The following KPNB1 variants were observed in gnomAD, a reference collection of about 807,000 sequenced individuals.
KPNB1 encodes importin subunit beta-1.
A neutral mutation model predicts 113.0 loss-of-function variants in KPNB1; 7 were observed. The ratio of observed to expected loss-of-function variants is 0.06; its 90% confidence interval spans 0.04 to 0.12. The LOEUF (loss-of-function observed/expected upper bound fraction) is 0.12, where lower values mean the gene tolerates loss of function less well. KPNB1 is among the 10% of genes least tolerant of loss of function. The pLI is 1.00. For synonymous variants in KPNB1, 363 were observed against 378.6 expected (o/e 0.96, Z 0.48); for missense variants, 400 against 1,054.8 (o/e 0.38, Z 8.60).
chr17:47,665,191 T>TATATAA, intron 9 of KPNB1, 33 bp downstream of exon 9: 1 of 1,512,840 alleles, frequency 6.6e-7, no homozygotes, highest in East Asian at 2.2e-5. Flanking sequence ...GTAGGTAAGC[T>TATATAA]GTGGAACCTT....
chr17:47,677,572 T>A (rs1427911485), intron 17 of KPNB1, among the ~76,000 whole-genome samples: 2 of 151,896 alleles, frequency 1.3e-5, no homozygotes, highest in African/African-American at 4.8e-5. Flanking sequence ...ATTTCACAGA[T>A]GACTCTGAAG....
chr17:47,675,954 T>G (rs2030603880), intron 15 of KPNB1, among the ~76,000 whole-genome samples: 1 of 152,184 alleles, frequency 6.6e-6, no homozygotes. Context: ...CTGATTTGGA[T>G]CTGAAGCCCA....
intron 13 of KPNB1, 146 bp downstream of exon 13, chr17:47,673,311 C>T (rs2030503986): frequency 1.1e-6 from 1 of 944,642 alleles, no homozygotes; most frequent in Non-Finnish European, 1.6e-6. Flanking sequence ...AAAAACATTG[C>T]ACCTTAACGT....
intron 2 of KPNB1, among the ~76,000 whole-genome samples, chr17:47,652,067 C>A (rs988081844): frequency 6.6e-6 from 1 of 151,912 alleles, no homozygotes; most frequent in Admixed American, 6.6e-5. Flanking sequence ...TTTCATTGTT[C>A]CCTTTTTGCT....
Position 47,673,249 on chromosome 17 carries a change from C to T in KPNB1, c.1695+84C>T. On this transcript the variant is annotated intron_variant, in intron 13 of 21. Coordinates refer to ENST00000290158, the MANE Select transcript of KPNB1 (RefSeq NM_002265.6). The stretch of plus-strand genomic sequence containing the variant: ...AGGTCTGTTTTCCAGACTGTTCTGT[C>T]TTTTTAGTGTTTAAGTATATATTTT... 21 of 1,304,542 alleles carry T rather than the reference C, an allele frequency of 1.6e-5. No individual in the cohort carries two copies. The South Asian group carries it at 2.8e-4, about 17-fold the overall frequency. 80.8% of individuals were successfully genotyped at this position (1,304,542 alleles called of 1,614,324 possible). A position where few individuals can be genotyped will look rare whatever the true frequency, so the allele number is the denominator to read the frequency against.
chr17:47,663,225 G>T, intron 7 of KPNB1, 47 bp downstream of exon 7: 2 of 968,904 alleles, frequency 2.1e-6, no homozygotes, highest in East Asian at 2.4e-5. Flanking sequence ...TAATTACAGA[G>T]CCCATCATCC....
At chr17:47,657,799 G>C (rs1255032763) in intron 4 of KPNB1, among the ~76,000 whole-genome samples, 2 of 152,230 alleles carry the variant, frequency 1.3e-5, no homozygotes, top group Non-Finnish European at 2.9e-5. Flanking sequence ...GTTTTGTTCA[G>C]TTCTGGATTG....
intron 5 of KPNB1, among the ~76,000 whole-genome samples, chr17:47,660,617 G>C (rs536698668): frequency 6.6e-6 from 1 of 152,288 alleles, no homozygotes; most frequent in Admixed American, 6.5e-5. Context: ...TAGAAAACTG[G>C]ATTTTTCCTT....
At chr17:47,666,510 A>G (rs916909308) in intron 9 of KPNB1, among the ~76,000 whole-genome samples, 1 of 138,086 alleles carries the variant, frequency 7.2e-6, no homozygotes, top group African/African-American at 2.6e-5. Flanking sequence ...AATGTTATAT[A>G]TTATATTTTA....
chr17:47,659,074 C>T (rs929263381), intron 5 of KPNB1, among the ~76,000 whole-genome samples: 4 of 152,016 alleles, frequency 2.6e-5, no homozygotes, highest in Admixed American at 1.3e-4. Flanking sequence ...ATAGGCTGGG[C>T]GATGTGGCTT....
chr17:47,669,801 G>A lies in KPNB1; in HGVS notation c.1348G>A (p.Ala450Thr). Reference protein sequence around the residue: ...PEAAINDVYLAPLLQCLIEGL... With the variant: ...PEAAINDVYLTPLLQCLIEGL... ...AGCTGCCATCAATGATGTCTACTTG[G>A]CTCCCCTGCTACAGTGTCTGATTGA... is the stretch of plus-strand genomic sequence containing the variant. The change falls in exon 11 of 22, where the codon GCT (alanine) becomes ACT (threonine). Residue 450 changes from alanine to threonine, a missense_variant. Physicochemically the swap from Ala to Thr is moderately conservative, Grantham distance 58 (BLOSUM62 0). Transcript: ENST00000290158. The A allele has an allele frequency of 6.2e-7, 1 of 1,614,106 alleles. No individual in the cohort carries two copies.
intron 9 of KPNB1, among the ~76,000 whole-genome samples, chr17:47,666,394 TTG>T (rs140549997): frequency 0.43 from 60,369 of 139,414 alleles, 13,257 homozygotes; most frequent in Non-Finnish European, 0.47. Flanking sequence ...GTCTTTACTT[TTG>T]TGTGTGTGTG....
chr17:47,682,144 A>G (rs1053463997), intron 21 of KPNB1, among the ~76,000 whole-genome samples: 1 of 152,148 alleles, frequency 6.6e-6, no homozygotes, highest in African/African-American at 2.4e-5. Context: ...TACAGTTTTA[A>G]TTTCTTTCAC....
chr17:47,652,321 T>C (rs537791981), intron 2 of KPNB1, among the ~76,000 whole-genome samples: 1 of 152,338 alleles, frequency 6.6e-6, no homozygotes, highest in Non-Finnish European at 1.5e-5. Context: ...CCAGACATTA[T>C]TAAAAGTTCT....
intron 21 of KPNB1, among the ~76,000 whole-genome samples, chr17:47,681,594 G>A (rs959064607): frequency 2.7e-5 from 4 of 150,048 alleles, no homozygotes; most frequent in African/African-American, 4.9e-5. Context: ...TTTTAGTAAA[G>A]ATGGGGTTTC....
At chr17:47,677,873 C>T (rs952750914) in intron 17 of KPNB1, among the ~76,000 whole-genome samples, 173 bp from the exon 18 acceptor site, 6 of 152,158 alleles carry the variant, frequency 3.9e-5, no homozygotes, top group African/African-American at 1.4e-4. Flanking sequence ...ATACCAATAC[C>T]TGGGCTAGCT....
At position 47,678,087 on chromosome 17, in the gene KPNB1, A is replaced by C; in HGVS notation, c.2145A>C (p.Ser715=). The C allele has an allele frequency of 6.2e-7, 1 of 1,614,172 alleles. No homozygotes were observed. Among genetic ancestry groups the C allele is most frequent in the Non-Finnish European group, 8.5e-7 (1 of 1,179,978 alleles). Residue 715 remains serine, a synonymous_variant, in exon 18 of 22, where the codon TCA becomes TCC. Coordinates refer to ENST00000290158, the MANE Select transcript of KPNB1 (RefSeq NM_002265.6). ...GGTCTGTGAAGCCGCAGATTCTGTC[A>C]GTGTTTGGTGATATTGCCCTTGCTA... ...VHRSVKPQIL[S]VFGDIALAIG...
chr17:47,680,725 G>A, intron 21 of KPNB1, 56 bp downstream of exon 21: 1 of 1,544,696 alleles, frequency 6.5e-7, no homozygotes, highest in Non-Finnish European at 8.8e-7. Flanking sequence ...AGGGGGGTAT[G>A]TTTTCTTTAG....
intron 2 of KPNB1, chr17:47,651,403 C>G (rs1300620158): frequency 1.0e-6 from 1 of 956,232 alleles, no homozygotes; most frequent in Non-Finnish European, 1.2e-6. Context: ...CTGAGTAACA[C>G]TAACCATATG....
Sources: allele counts gnomAD v4.1 joint callset (sites outside exome capture counted in the v4.1 genomes callset), GRCh38; gene constraint gnomAD v4.1.1; transcripts MANE v1.5; gene names NCBI Gene and HGNC (gene_info 2026-07-23, HGNC 2026-07-21).